The following ENAH variants were observed in gnomAD, a reference collection of about 807,000 sequenced individuals.
ENAH encodes protein enabled homolog.
A neutral mutation model predicts 78.7 loss-of-function variants in ENAH; 23 were observed. That is an observed-to-expected ratio of 0.29 (90% CI 0.21 to 0.41). ENAH has a LOEUF of 0.41. Among genes scored for constraint, ENAH ranks in the 10% least tolerant of loss-of-function variants. The pLI is 1.00. For synonymous variants in ENAH, 226 were observed against 241.0 expected (o/e 0.94, Z 0.58); for missense variants, 544 against 691.0 (o/e 0.79, Z 2.39).
intron 4 of ENAH, among the ~76,000 whole-genome samples, chr1:225,527,911 T>C (rs1303677381): frequency 6.6e-6 from 1 of 152,172 alleles, no homozygotes; most frequent in Non-Finnish European, 1.5e-5. Flanking sequence ...AAGAGTGTGT[T>C]ATCTTAATCA....
chr1:225,611,320 G>GTATT (rs1173939226), intron 1 of ENAH, among the ~76,000 whole-genome samples: 1 of 151,850 alleles, frequency 6.6e-6, no homozygotes, highest in African/African-American at 2.4e-5. Context: ...ATTTATTTAC[G>GTATT]TATTTATTTA....
chr1:225,624,937 C>T (rs986348720), intron 1 of ENAH, among the ~76,000 whole-genome samples: 2 of 152,170 alleles, frequency 1.3e-5, no homozygotes, highest in African/African-American at 4.8e-5. Flanking sequence ...ACTATGTGCT[C>T]ACCTAACCTG....
At chr1:225,549,635 T>C (rs887748873) in intron 3 of ENAH, among the ~76,000 whole-genome samples, 28 of 152,012 alleles carry the variant, frequency 1.8e-4, no homozygotes, top group Admixed American at 6.5e-4. Flanking sequence ...CCTTGTAGGG[T>C]TGTTATAAAG....
intron 2 of ENAH, among the ~76,000 whole-genome samples, chr1:225,563,371 T>G (rs2096718377): frequency 6.6e-6 from 1 of 152,208 alleles, no homozygotes; most frequent in African/African-American, 2.4e-5. Flanking sequence ...ATTCACAAGT[T>G]TAACGGGAAT....
intron 1 of ENAH, among the ~76,000 whole-genome samples, chr1:225,615,568 T>C (rs1371332083): frequency 6.8e-6 from 1 of 146,420 alleles, no homozygotes; most frequent in African/African-American, 2.6e-5. Flanking sequence ...GAGCGCCTCT[T>C]CCCGGCTGCC....
intron 1 of ENAH, chr1:225,652,307 C>A: frequency 1.0e-6 from 1 of 983,580 alleles, no homozygotes; most frequent in Non-Finnish European, 1.2e-6. Context: ...TACATATATA[C>A]GAAAAAATAC....
At chr1:225,622,566 G>A (rs1015031703) in intron 1 of ENAH, among the ~76,000 whole-genome samples, 11 of 152,156 alleles carry the variant, frequency 7.2e-5, no homozygotes, top group African/African-American at 2.7e-4. Flanking sequence ...TCTGGAGGCT[G>A]GGGAAGTCCA....
intron 5 of ENAH, 183 bp downstream of exon 5, chr1:225,519,015 G>T: frequency 2.0e-6 from 2 of 981,274 alleles, no homozygotes; most frequent in Middle Eastern, 3.1e-4. Flanking sequence ...AGCAATAAAA[G>T]CAATACAGAG....
At chr1:225,557,374 C>T (rs191240413) in intron 2 of ENAH, among the ~76,000 whole-genome samples, 42 of 152,254 alleles carry the variant, frequency 2.8e-4, no homozygotes, top group Admixed American at 2.4e-3. Context: ...CGGCAATGGA[C>T]AGCTTTATTT....
chr1:225,555,660 T>C (rs2096662984), intron 2 of ENAH, among the ~76,000 whole-genome samples: 1 of 152,242 alleles, frequency 6.6e-6, no homozygotes, highest in East Asian at 1.9e-4. Flanking sequence ...GCTGAAGTTT[T>C]ACAAATACAA....
chr1:225,548,936 G>T (rs372096323), intron 3 of ENAH, among the ~76,000 whole-genome samples: 2 of 148,224 alleles, frequency 1.3e-5, no homozygotes, highest in East Asian at 4.0e-4. Flanking sequence ...TGCAACCTCC[G>T]CCTCCCGGGT....
intron 1 of ENAH, among the ~76,000 whole-genome samples, chr1:225,599,796 TAAAAAA>T (rs34052384): frequency 8.6e-4 from 71 of 82,976 alleles, no homozygotes; most frequent in African/African-American, 3.6e-3. Context: ...GACTCCGTCT[TAAAAAA>T]AAAAAAAAAA....
chr1:225,591,999 G>A (rs576089932), intron 1 of ENAH, among the ~76,000 whole-genome samples: 1 of 152,176 alleles, frequency 6.6e-6, no homozygotes, highest in Admixed American at 6.5e-5. Context: ...TCTGTTCCCT[G>A]ATTTCTAGAG....
chr1:225,599,737 C>T (rs1040795286), intron 1 of ENAH, among the ~76,000 whole-genome samples: 9 of 147,406 alleles, frequency 6.1e-5, no homozygotes, highest in Non-Finnish European at 1.2e-4. Flanking sequence ...CAGAGGTTGC[C>T]GTGAGCCAAG....
intron 2 of ENAH, among the ~76,000 whole-genome samples, chr1:225,558,392 A>G (rs2096679274): frequency 6.6e-6 from 1 of 152,136 alleles, no homozygotes; most frequent in Non-Finnish European, 1.5e-5. Context: ...GATAGTCTTA[A>G]TTTCTTTAAA....
chr1:225,564,812 T>C (rs1452125768), intron 2 of ENAH, among the ~76,000 whole-genome samples: 1 of 151,986 alleles, frequency 6.6e-6, no homozygotes, highest in Non-Finnish European at 1.5e-5. Flanking sequence ...CTTTTTAATA[T>C]TTTCTTCTGT....
At chr1:225,614,061 A>ATTTT (rs71574533) in intron 1 of ENAH, among the ~76,000 whole-genome samples, 7 of 144,448 alleles carry the variant, frequency 4.8e-5, no homozygotes, top group Non-Finnish European at 1.1e-4. Flanking sequence ...TATTAGAAAG[A>ATTTT]TTTTTTTTTT....
At chr1:225,587,558 G>A (rs2096853629) in intron 1 of ENAH, among the ~76,000 whole-genome samples, 1 of 152,136 alleles carries the variant, frequency 6.6e-6, no homozygotes, top group South Asian at 2.1e-4. Context: ...CCTCAATATT[G>A]TTAAGATGTC....
At chr1:225,530,319 T>C (rs2096531915) in intron 4 of ENAH, among the ~76,000 whole-genome samples, 2 of 152,188 alleles carry the variant, frequency 1.3e-5, no homozygotes, top group African/African-American at 4.8e-5. Context: ...ATTTTAAACA[T>C]ACCTTAAGTA....
Sources: gnomAD v4.1 joint callset for allele counts (sites outside exome capture counted in the v4.1 genomes callset) on GRCh38, gnomAD v4.1.1 for gene constraint, MANE v1.5 for transcripts, NCBI Gene and HGNC (gene_info 2026-07-23, HGNC 2026-07-21) for gene names.